The following ARHGAP44 variants were observed in gnomAD, a reference collection of about 807,000 sequenced individuals.
The protein encoded by ARHGAP44 is rho GTPase-activating protein 44.
A neutral mutation model predicts 106.8 loss-of-function variants in ARHGAP44; 43 were observed. The ratio of observed to expected loss-of-function variants is 0.40; its 90% CI spans 0.32 to 0.52. The LOEUF is 0.52. ARHGAP44 is among the 20% of genes least tolerant of loss of function. The pLI, the probability that ARHGAP44 is intolerant of heterozygous loss-of-function variation, is 0.48. For missense variants in ARHGAP44, 866 were observed against 1,050.5 expected, an observed-to-expected ratio of 0.82 and a Z score of 2.43; for synonymous variants, 439 against 410.3, an observed-to-expected ratio of 1.07 and a Z score of -0.85.
chr17:12,973,879 A>T, intron 17 of ARHGAP44: 1 of 604,304 alleles, frequency 1.7e-6, no homozygotes, highest in Non-Finnish European at 2.9e-6. Flanking sequence ...CGCTCTTGCC[A>T]GGACTGGGCT....
Position 12,974,224 on chromosome 17 carries a change from G to T in ARHGAP44, c.1677G>T (p.Pro559=), listed in dbSNP as rs1278929592. ...PAELAAPLPS[P]LPEQPLDSPA... ...AGCTGGCTGCGCCCCTGCCTTCGCC[G>T]CTGCCGGAGCAGCCCCTGGACAGCC... Residue 559 remains proline (P), a synonymous_variant, in exon 18 of 21, where the codon CCG becomes CCT. Transcript: ENST00000379672. The T allele has an allele frequency of 5.8e-6, 9 of 1,546,082 alleles. No individual in the cohort carries two copies. Among genetic ancestry groups the T allele is most frequent in the Non-Finnish European group, 7.9e-6 (9 of 1,145,494 alleles).
intron 1 of ARHGAP44, among the ~76,000 whole-genome samples, chr17:12,802,966 TA>T (rs1263785492): frequency 5.1e-3 from 111 of 21,842 alleles, no homozygotes; most frequent in Non-Finnish European, 6.7e-3. Context: ...TATATATATA[TA>T]TATTTTTTTT....
chr17:12,935,634 A>T (rs370780254), intron 7 of ARHGAP44, among the ~76,000 whole-genome samples: 7 of 152,274 alleles, frequency 4.6e-5, no homozygotes, highest in African/African-American at 1.7e-4. Flanking sequence ...GGTGAGATAA[A>T]ATTGTCAAGT....
At chr17:12,970,209 T>C (rs1190258396) in intron 16 of ARHGAP44, among the ~76,000 whole-genome samples, 2 of 151,148 alleles carry the variant, frequency 1.3e-5, no homozygotes, top group East Asian at 3.9e-4. Flanking sequence ...CTAAAAAAAT[T>C]ATGAAAATTA....
chr17:12,938,457 A>C (rs974376226), intron 7 of ARHGAP44, among the ~76,000 whole-genome samples: 2 of 152,124 alleles, frequency 1.3e-5, no homozygotes, highest in African/African-American at 4.8e-5. Context: ...AGTAAAAAAA[A>C]GACATTCCAG....
intron 3 of ARHGAP44, among the ~76,000 whole-genome samples, chr17:12,900,042 G>A (rs969688029): frequency 2.6e-5 from 4 of 152,122 alleles, no homozygotes; most frequent in African/African-American, 9.7e-5. Context: ...ATTGTCTTGT[G>A]GGTACTGAGT....
At chr17:12,821,899 C>T (rs910197772) in intron 1 of ARHGAP44, among the ~76,000 whole-genome samples, 7 of 152,176 alleles carry the variant, frequency 4.6e-5, no homozygotes, top group Non-Finnish European at 7.3e-5. Context: ...TGATTGGCAT[C>T]TCCTAGGATT....
intron 7 of ARHGAP44, among the ~76,000 whole-genome samples, chr17:12,936,228 C>T (rs2038545192): frequency 1.3e-5 from 2 of 152,196 alleles, no homozygotes. Context: ...TCATAGTCTA[C>T]TTAGGGGTTC....
At position 12,958,482 on chromosome 17, in the gene ARHGAP44, C is replaced by CTT. The variant is rs113692195; in HGVS notation, c.1343-223_1343-222dup. Reference sequence around the variant, plus strand: ...AAGTATCCGTTCCTGTTTTTACAAACTTTTTTTTTTTTTCACAAATTGACA... The same window carrying CTT: ...AAGTATCCGTTCCTGTTTTTACAAACTTTTTTTTTTTTTTTCACAAATTGACA... On this transcript the variant is annotated intron_variant, in intron 15 of 20. Coordinates refer to ENST00000379672, the MANE Select transcript of ARHGAP44 (RefSeq NM_014859.6). This position sits in a 1 kb window ranked among gnomAD's most constrained non-coding sequence, Gnocchi z 4.1. Among the ~76,000 whole-genome samples, 1 of 146,236 alleles carries CTT rather than the reference C, an allele frequency of 6.8e-6. No individual in the cohort carries two copies. Among genetic ancestry groups the CTT allele is most frequent in the Non-Finnish European group, 1.5e-5 (1 of 66,154 alleles).
intron 1 of ARHGAP44, among the ~76,000 whole-genome samples, chr17:12,805,732 T>C (rs2034255972): frequency 6.6e-6 from 1 of 152,200 alleles, no homozygotes; most frequent in South Asian, 2.1e-4. Flanking sequence ...AAGCGGATAC[T>C]GAGAATAGCA....
intron 5 of ARHGAP44, among the ~76,000 whole-genome samples, chr17:12,918,753 C>T (rs115242467): frequency 4.9e-4 from 74 of 152,274 alleles, no homozygotes; most frequent in African/African-American, 1.5e-3. Flanking sequence ...GACATGACTG[C>T]GTGGCTCCCT....
chr17:12,932,373 C>G (rs2150969981), intron 7 of ARHGAP44, among the ~76,000 whole-genome samples: 1 of 152,304 alleles, frequency 6.6e-6, no homozygotes, highest in Non-Finnish European at 1.5e-5. Context: ...CCCAGTATTT[C>G]TATTGCTTTT....
intron 1 of ARHGAP44, among the ~76,000 whole-genome samples, chr17:12,818,116 A>G (rs1361492411): frequency 6.6e-6 from 1 of 152,002 alleles, no homozygotes; most frequent in Admixed American, 6.6e-5. Context: ...CAAATGCAGC[A>G]ATATGTAAAA....
At position 12,857,239 on chromosome 17, in the gene ARHGAP44, C is replaced by T. The variant is rs564722436; in HGVS notation, c.54-37701C>T. On this transcript the variant is annotated intron_variant, in intron 1 of 20. Transcript: ENST00000379672. ...GTGGCTGATGAGGTCTGCGTTAGTT[C>T]ATTTTCTGTTGCTTTAACTGAACAC... Among the ~76,000 whole-genome samples, 5 of 152,208 alleles carry T rather than the reference C, an allele frequency of 3.3e-5. No homozygotes were observed. In the South Asian group the frequency reaches 1.0e-3, roughly 32 times the overall value.
chr17:12,971,883 A>G (rs2039536492), intron 16 of ARHGAP44, among the ~76,000 whole-genome samples: 1 of 152,176 alleles, frequency 6.6e-6, no homozygotes, highest in South Asian at 2.1e-4. Context: ...AAGCCCTCCC[A>G]TGCCAGTGTG....
chr17:12,909,699 G>C (rs996698550), intron 4 of ARHGAP44, among the ~76,000 whole-genome samples: 1 of 152,120 alleles, frequency 6.6e-6, no homozygotes, highest in Non-Finnish European at 1.5e-5. Flanking sequence ...AGAAACATGG[G>C]TGATAGAATG....
chr17:12,968,506 A>G (rs1190147980), intron 16 of ARHGAP44, among the ~76,000 whole-genome samples: 4 of 152,072 alleles, frequency 2.6e-5, no homozygotes, highest in African/African-American at 7.2e-5. Flanking sequence ...TACTGCCCCA[A>G]TGACCTGGGT....
chr17:12,932,599 T>C (rs2038432771), intron 7 of ARHGAP44, among the ~76,000 whole-genome samples: 1 of 152,196 alleles, frequency 6.6e-6, no homozygotes, highest in Non-Finnish European at 1.5e-5. Context: ...TGATTTTTCT[T>C]CTTTAATTTT....
At chr17:12,799,930 G>A (rs1307505377) in intron 1 of ARHGAP44, among the ~76,000 whole-genome samples, 1 of 152,134 alleles carries the variant, frequency 6.6e-6, no homozygotes, top group Non-Finnish European at 1.5e-5. Flanking sequence ...TGCCCGGCCA[G>A]AGAAAATTAA....
Sources: allele counts gnomAD v4.1 joint callset (sites outside exome capture counted in the v4.1 genomes callset), GRCh38; gene constraint gnomAD v4.1.1; non-coding constraint Gnocchi (gnomAD v3.1); transcripts MANE v1.5; gene names NCBI Gene and HGNC (gene_info 2026-07-23, HGNC 2026-07-21).